The following NOTCH2NLC variants were observed in gnomAD, a reference collection of about 807,000 sequenced individuals.
NOTCH2NLC encodes notch homolog 2 N-terminal-like protein C.
Under a neutral mutation model 17.7 loss-of-function variants are expected in NOTCH2NLC, and 4 were observed. The observed-to-expected ratio is 0.23, with a 90% CI of 0.11 to 0.52. The LOEUF (loss-of-function observed/expected upper bound fraction) is 0.52. Among genes scored for constraint, NOTCH2NLC ranks in the 20% least tolerant of loss-of-function variants. The probability of loss-of-function intolerance (pLI) is 0.96; values close to 1 mark genes in which losing one functional copy is unlikely to be tolerated. For missense variants in NOTCH2NLC, 57 were observed against 207.2 expected, an observed-to-expected ratio of 0.28 and a Z score of 4.45; for synonymous variants, 18 against 86.0, an observed-to-expected ratio of 0.21 and a Z score of 4.38.
In NOTCH2NLC at chr1:149,437,891, A is replaced by G. The variant is rs1351153656; in HGVS notation, c.209+6876A>G. On this transcript the variant is annotated intron_variant, in intron 2 of 4. Transcript: ENST00000650865. ...TATTGCATATTAGGGTCTGTTCTCA[A>G]GTAGTTTACATGTATTTACTTTAGT... Among the ~76,000 whole-genome samples the G allele has an allele frequency of 3.4e-5, 5 of 146,920 alleles. 1 individual carries two copies. The highest frequency in any genetic ancestry group is 1.4e-4 in the Admixed American group (2 of 14,516).
intron 1 of NOTCH2NLC, among the ~76,000 whole-genome samples, chr1:149,398,326 A>G (rs1279683612): frequency 6.7e-6 from 1 of 149,498 alleles, no homozygotes; most frequent in Admixed American, 6.6e-5. Flanking sequence ...TATGTCTGTT[A>G]GTGGGTTTGC....
intron 1 of NOTCH2NLC, among the ~76,000 whole-genome samples, chr1:149,393,069 C>CAAAAAAA (rs1158506660): frequency 2.3e-5 from 1 of 43,070 alleles, no homozygotes; most frequent in African/African-American, 8.2e-5. Context: ...GACTCCGTCT[C>CAAAAAAA]AAAAAAAAAA....
chr1:149,467,467 G>A lies in NOTCH2NLC; in HGVS notation c.*3314G>A, dbSNP rs1181208556. ...CAGAAAGAAATGTTTCTTCACAGAG[G>A]GAGGAGAAAAATATCTTCAAGAGAG... is the stretch of plus-strand genomic sequence containing the variant. On this transcript the variant is annotated 3_prime_UTR_variant, in exon 5 of 5. Coordinates refer to ENST00000650865, the MANE Select transcript of NOTCH2NLC (RefSeq NM_001364013.2). 10 of 141,938 alleles carry A rather than the reference G, an allele frequency of 7.0e-5. 1 individual carries two copies. The highest frequency in any genetic ancestry group is 1.4e-4 in the Non-Finnish European group (9 of 65,364). 8.8% of individuals were successfully genotyped at this position (141,938 alleles called of 1,614,324 possible).
intron 2 of NOTCH2NLC, among the ~76,000 whole-genome samples, chr1:149,449,214 G>A (rs1241840291): frequency 1.1e-4 from 16 of 151,094 alleles, no homozygotes; most frequent in African/African-American, 3.9e-4. Context: ...TAAGCTTCGA[G>A]TTCCTCATAT....
intron 1 of NOTCH2NLC, among the ~76,000 whole-genome samples, chr1:149,423,996 G>C (rs1156541701): frequency 6.6e-6 from 1 of 150,664 alleles, no homozygotes; most frequent in African/African-American, 2.4e-5. Context: ...AACAAAGGGA[G>C]GCTTTTAAGC....
intron 1 of NOTCH2NLC, among the ~76,000 whole-genome samples, chr1:149,400,140 T>A (rs1380033499): frequency 8.1e-6 from 1 of 124,216 alleles, no homozygotes; most frequent in Non-Finnish European, 1.7e-5. Context: ...ATAATATATA[T>A]TTTTTTTTTA....
intron 2 of NOTCH2NLC, among the ~76,000 whole-genome samples, chr1:149,449,288 C>G (rs2084576047): frequency 6.6e-6 from 1 of 150,404 alleles, no homozygotes. Flanking sequence ...CTATCAAATG[C>G]TTAGCAAATA....
In NOTCH2NLC at chr1:149,398,094, A is replaced by G. The variant is rs1242477104; in HGVS notation, c.135+7172A>G. ...GTTTCCTGCAGTCAGGGTGACTCGG[A>G]TCTATAGGGTCTTGGGAGTAAACTT... is the stretch of plus-strand genomic sequence containing the variant. On this transcript the variant is annotated intron_variant, in intron 1 of 4. Coordinates refer to ENST00000650865, the MANE Select transcript of NOTCH2NLC (RefSeq NM_001364013.2). 2.0e-5 allele frequency among the ~76,000 whole-genome samples: 3 copies of G among 151,012 alleles called. 1 individual carries two copies. Among genetic ancestry groups the G allele is most frequent in the African/African-American group, 7.3e-5 (3 of 41,014 alleles).
At chr1:149,413,225 G>A (rs1411396766) in intron 1 of NOTCH2NLC, among the ~76,000 whole-genome samples, 3 of 150,830 alleles carry the variant, frequency 2.0e-5, no homozygotes, top group African/African-American at 7.3e-5. Context: ...TGACTTTTTA[G>A]CCCTTGGTCC....
At chr1:149,413,012 C>T (rs1348858578) in intron 1 of NOTCH2NLC, among the ~76,000 whole-genome samples, 7 of 140,880 alleles carry the variant, frequency 5.0e-5, no homozygotes, top group Admixed American at 2.9e-4. Flanking sequence ...TCAAGCGATT[C>T]TCCTGCCTTA....
Position 149,456,333 on chromosome 1 carries a change from T to TC in NOTCH2NLC, c.469+759dup, listed in dbSNP as rs1196114029. 6.9e-5 allele frequency among the ~76,000 whole-genome samples: 7 copies of TC among 101,458 alleles called. No homozygotes were observed. The Admixed American group carries it at 7.6e-4, about 11-fold the overall frequency. The allele number at this position is 101,458 out of a possible 152,430, so 66.6% of individuals were successfully genotyped here. ...GTTCTTATCCATTAAATGTTTGTGC[T>TC]CCCTGGAGCACTGTTTTTCGCCCTC... is the stretch of plus-strand genomic sequence containing the variant. On this transcript the variant is annotated intron_variant, in intron 3 of 4. Coordinates refer to ENST00000650865, the MANE Select transcript of NOTCH2NLC (RefSeq NM_001364013.2).
At chr1:149,446,428 A>G (rs1300776007) in intron 2 of NOTCH2NLC, among the ~76,000 whole-genome samples, 1 of 133,866 alleles carries the variant, frequency 7.5e-6, no homozygotes, top group Non-Finnish European at 1.6e-5. Context: ...TTGCTTTTCT[A>G]CATCCAACCC....
In NOTCH2NLC at chr1:149,466,080, T is replaced by C. The variant is rs2084681064; in HGVS notation, c.*1927T>C. On this transcript the variant is annotated 3_prime_UTR_variant, in exon 5 of 5. Transcript: ENST00000650865. The stretch of plus-strand genomic sequence containing the variant: ...TTCAAAGCCTTTGCTTTGTGCATCT[T>C]ACTGCGCCACATTGCACTGCACATC... 1 of 67,634 alleles carries C rather than the reference T, an allele frequency of 1.5e-5. No individual in the cohort carries two copies. The highest frequency in any genetic ancestry group is 2.9e-5 in the Non-Finnish European group (1 of 34,596). 4.2% of individuals were successfully genotyped at this position (67,634 alleles called of 1,614,324 possible).
In NOTCH2NLC at chr1:149,460,871, CTT is replaced by C. The variant is rs1376214557; in HGVS notation, c.470-2618_470-2617del. Among the ~76,000 whole-genome samples the C allele has an allele frequency of 2.5e-4, 13 of 52,846 alleles. 1 individual carries two copies. The highest frequency in any genetic ancestry group is 5.7e-4 in the Non-Finnish European group (13 of 22,862). 34.7% of individuals were successfully genotyped at this position (52,846 alleles called of 152,430 possible). ...TCTTTCTCCCTTTCTTTCTTTCTTTCTTTCTTTCTTTCTTTCTTTCTTTCTTT... is the reference window on the plus strand; with the variant it reads ...TCTTTCTCCCTTTCTTTCTTTCTTTCTCTTTCTTTCTTTCTTTCTTTCTTT... On this transcript the variant is annotated intron_variant, in intron 3 of 4. Transcript: ENST00000650865.
rs1329643798 is a variant in NOTCH2NLC at position 149,422,938 on chromosome 1, AATT to A, written c.136-8000_136-7998del. ...CAAAATTGGAATTTTTAAAACCAAA[AATT>A]ATTCTAGATTTATCAGCTAACTGGA... On this transcript the variant is annotated intron_variant, in intron 1 of 4. Transcript: ENST00000650865. Among the ~76,000 whole-genome samples the A allele has an allele frequency of 1.2e-4, 17 of 141,920 alleles. 2 individuals carry two copies. The highest frequency in any genetic ancestry group is 2.1e-4 in the East Asian group (1 of 4,772). The allele number at this position is 141,920 out of a possible 152,430, so 93.1% of individuals were successfully genotyped here. A position where few individuals can be genotyped will look rare whatever the true frequency, so the allele number is the denominator to read the frequency against.
rs1281824949 is a variant in NOTCH2NLC, at chr1:149,413,647, G to A, written c.136-17295G>A. ...GTTAACACTTCTCTGTACTCTCCCC[G>A]GTTCCTCATTTTGTTCCTGCTGAGT... On this transcript the variant is annotated intron_variant, in intron 1 of 4. Coordinates refer to ENST00000650865, the MANE Select transcript of NOTCH2NLC (RefSeq NM_001364013.2). Among the ~76,000 whole-genome samples the A allele has an allele frequency of 2.1e-4, 32 of 150,976 alleles. 3 individuals are homozygous for A. In the South Asian group the frequency reaches 4.4e-3, roughly 21 times the overall value.
intron 3 of NOTCH2NLC, among the ~76,000 whole-genome samples, chr1:149,460,882 TCTTTC>T (rs1317556990): frequency 1.6e-5 from 2 of 128,612 alleles, no homozygotes; most frequent in Non-Finnish European, 3.5e-5. Context: ...TTTCTTTCTT[TCTTTC>T]TTTCTTTCTT....
intron 1 of NOTCH2NLC, among the ~76,000 whole-genome samples, chr1:149,407,092 A>G (rs2084275004): frequency 6.6e-6 from 1 of 150,744 alleles, no homozygotes; most frequent in African/African-American, 2.4e-5. Context: ...CAATTGATTC[A>G]TAGAAAAAAT....
chr1:149,399,915 T>G (rs1446494529), intron 1 of NOTCH2NLC, among the ~76,000 whole-genome samples: 1 of 149,870 alleles, frequency 6.7e-6, no homozygotes, highest in Non-Finnish European at 1.5e-5. Context: ...ATTTAAACTT[T>G]GCTGATTTTC....
Sources: allele counts gnomAD v4.1 joint callset (sites outside exome capture counted in the v4.1 genomes callset), GRCh38; gene constraint gnomAD v4.1.1; transcripts MANE v1.5; gene names NCBI Gene and HGNC (gene_info 2026-07-23, HGNC 2026-07-21).